The following ENOSF1 variants were observed in gnomAD, a reference collection of about 807,000 sequenced individuals.
ENOSF1 encodes the protein mitochondrial enolase superfamily member 1.
In ENOSF1, 73 loss-of-function variants were observed where a neutral mutation model predicts 68.2. The ratio of observed to expected loss-of-function variants is 1.07; its 90% CI spans 0.89 to 1.30. The LOEUF is 1.30. ENOSF1 is among the 50% of genes most tolerant of loss of function. The pLI is 0.00. For synonymous variants in ENOSF1, 223 were observed against 210.4 expected, an observed-to-expected ratio of 1.06 and a Z score of -0.52; for missense variants, 589 against 554.5, an observed-to-expected ratio of 1.06 and a Z score of -0.62.
At position 678,686 on chromosome 18, in the gene ENOSF1, C is replaced by T. The variant is rs368587392; in HGVS notation, c.918+10G>A. 71 of 1,613,610 alleles carry T rather than the reference C, an allele frequency of 4.4e-5. 1 individual carries two copies. In the African/African-American group the frequency reaches 6.1e-4, roughly 14 times the overall value. On this transcript the variant is annotated intron_variant, in intron 12 of 15. Transcript: ENST00000647584. ...GGGGACGTCATCCACCTGTTGGGGG[C>T]GTCACTCACCTGTTCTCCTGTGGCA...
downstream of ENOSF1, among the ~76,000 whole-genome samples, chr18:666,869 A>G (rs1449740031): frequency 1.3e-5 from 2 of 149,748 alleles, no homozygotes; most frequent in Non-Finnish European, 2.9e-5. Flanking sequence ...AGGTTTTGTT[A>G]GGGATGACGA....
intron 12 of ENOSF1, chr18:678,410 T>G (rs1187222572): frequency 1.7e-5 from 8 of 482,298 alleles, no homozygotes; most frequent in African/African-American, 1.6e-4. Context: ...TAAGACCATT[T>G]TCTGCCCTTG....
At chr18:703,071 G>A (rs1398279925) in intron 2 of ENOSF1, among the ~76,000 whole-genome samples, 2 of 152,184 alleles carry the variant, frequency 1.3e-5, no homozygotes, top group Non-Finnish European at 2.9e-5. Context: ...ATGTAGCAAG[G>A]TTAAAGTTAA....
intron 11 of ENOSF1, chr18:682,961 G>A: frequency 2.9e-6 from 1 of 348,260 alleles, no homozygotes; most frequent in Non-Finnish European, 5.2e-6. Flanking sequence ...TATTTACAAA[G>A]CATAGGAACC....
chr18:700,890 CAAAAAAAAAA>C (rs71174273), intron 2 of ENOSF1, among the ~76,000 whole-genome samples: 1 of 64,916 alleles, frequency 1.5e-5, no homozygotes, highest in Non-Finnish European at 2.8e-5. Context: ...AACTCTGCCT[CAAAAAAAAAA>C]AAAAAAAAAA....
At chr18:691,814 C>G (rs1182081456) in intron 5 of ENOSF1, 1 of 152,840 alleles carries the variant, frequency 6.5e-6, no homozygotes, top group African/African-American at 2.4e-5. Context: ...CACCCGCCCC[C>G]ACCCTGTTCT....
At chr18:679,523 A>T (rs2075869593) in intron 11 of ENOSF1, among the ~76,000 whole-genome samples, 1 of 150,664 alleles carries the variant, frequency 6.6e-6, no homozygotes, top group Non-Finnish European at 1.5e-5. Flanking sequence ...GTCTTTGTTG[A>T]TTCCAAAATC....
At chr18:708,894 C>G (rs2079215180) in intron 1 of ENOSF1, among the ~76,000 whole-genome samples, 1 of 152,030 alleles carries the variant, frequency 6.6e-6, no homozygotes, top group Non-Finnish European at 1.5e-5. Flanking sequence ...AAGGAGACTC[C>G]AAGAATTAAA....
intron 1 of ENOSF1, among the ~76,000 whole-genome samples, chr18:707,155 G>T (rs2079033615): frequency 6.6e-6 from 1 of 151,862 alleles, no homozygotes; most frequent in Non-Finnish European, 1.5e-5. Flanking sequence ...TTTCAATTAG[G>T]TTAAAAAATG....
chr18:706,026 T>C (rs2078893588), intron 2 of ENOSF1, among the ~76,000 whole-genome samples: 2 of 151,956 alleles, frequency 1.3e-5, no homozygotes, highest in Non-Finnish European at 2.9e-5. Flanking sequence ...TATACATATA[T>C]ATATTGAAAA....
At chr18:664,464 CAG>C in the ENOSF1 span, among the ~76,000 whole-genome samples, 8 of 143,608 alleles carry the variant, frequency 5.6e-5, no homozygotes, top group East Asian at 1.5e-3. Context: ...CGTCTGCAAA[CAG>C]GGACAATTTG....
At chr18:693,730 A>T in intron 5 of ENOSF1, 152 bp downstream of exon 5, 1 of 1,442,010 alleles carries the variant, frequency 6.9e-7, no homozygotes, top group Non-Finnish European at 9.1e-7. Context: ...ATATCAGAAA[A>T]GGAATGTCAT....
downstream of ENOSF1, chr18:669,198 T>C (rs1363241268): frequency 6.3e-7 from 1 of 1,593,970 alleles, no homozygotes; most frequent in Non-Finnish European, 8.6e-7. Context: ...GTCGTCTTCA[T>C]TTATACTAAC....
intron 10 of ENOSF1, among the ~76,000 whole-genome samples, chr18:685,366 A>G (rs969020396): frequency 6.6e-6 from 1 of 152,058 alleles, no homozygotes; most frequent in Admixed American, 6.6e-5. Context: ...AAAAAAAAAA[A>G]GCAGCATTAA....
chr18:680,838 G>C (rs7236747), intron 11 of ENOSF1, among the ~76,000 whole-genome samples: 1 of 149,254 alleles, frequency 6.7e-6, no homozygotes. Context: ...ACATCACCGC[G>C]CCCTGCTAAT....
intron 5 of ENOSF1, chr18:693,229 T>G (rs991660526): frequency 2.3e-6 from 3 of 1,289,030 alleles, no homozygotes; most frequent in African/African-American, 1.5e-5. Context: ...AGCTTTAGAA[T>G]TCAGTGTTGA....
At chr18:684,252 C>T (rs1006677735) in intron 10 of ENOSF1, among the ~76,000 whole-genome samples, 18 of 152,102 alleles carry the variant, frequency 1.2e-4, no homozygotes, top group Non-Finnish European at 2.5e-4. Flanking sequence ...GCCTCGGCCT[C>T]CCAAAGTGCT....
chr18:707,851 TTTA>T (rs142922567), intron 1 of ENOSF1, among the ~76,000 whole-genome samples: 93,032 of 150,072 alleles, frequency 0.62, 29,526 homozygotes, highest in African/African-American at 0.78. Context: ...TAAATAATGT[TTTA>T]TTATTATTAT....
chr18:703,393 C>T (rs1370588636), intron 2 of ENOSF1, among the ~76,000 whole-genome samples: 1 of 151,944 alleles, frequency 6.6e-6, no homozygotes, highest in East Asian at 1.9e-4. Flanking sequence ...CTAACATTAT[C>T]TTGTAAGCTC....
Sources: gnomAD v4.1 joint callset for allele counts (sites outside exome capture counted in the v4.1 genomes callset) on GRCh38, gnomAD v4.1.1 for gene constraint, MANE v1.5 for transcripts, NCBI Gene and HGNC (gene_info 2026-07-23, HGNC 2026-07-21) for gene names.